Variants in UBE2T observed in about 807,000 individuals in gnomAD.
The protein encoded by UBE2T is ubiquitin-conjugating enzyme E2 T.
A neutral mutation model predicts 23.3 loss-of-function variants in UBE2T; 15 were observed. The observed-to-expected ratio is 0.64, with a 90% CI of 0.43 to 0.99. UBE2T has a LOEUF of 0.99. Among genes scored for constraint, UBE2T ranks in the 50% least tolerant of loss-of-function variants. The probability of loss-of-function intolerance (pLI) is 0.00; values close to 1 mark genes in which losing one functional copy is unlikely to be tolerated. For synonymous variants in UBE2T, 67 were observed against 78.4 expected (o/e 0.85, Z 0.77); for missense variants, 197 against 234.9 (o/e 0.84, Z 1.05).
chr1:202,335,663 A>C lies in UBE2T; in HGVS notation c.92T>G (p.Met31Arg), dbSNP rs1197477542. 6.2e-7 allele frequency: 1 copy of C among 1,614,060 alleles called. No homozygotes were observed. The highest frequency in any genetic ancestry group is 1.7e-5 in the Admixed American group (1 of 60,014). ...GITCWQDKDQMDDLRAQILGG... is the reference protein window; with the variant it reads ...GITCWQDKDQRDDLRAQILGG... ...ATACCTACGAGCTCGCAGGTCATCC[A>C]TTTGGTCTTTATCTTGCCAACATGT... The change falls in exon 2 of 7, where the codon ATG (methionine) becomes AGG (arginine). Residue 31 changes from methionine to arginine, a missense_variant. Coordinates refer to ENST00000646651, the MANE Select transcript of UBE2T (RefSeq NM_014176.4). The surrounding 1 kb of genome is among the most constrained non-coding windows in gnomAD (Gnocchi z 4.0).
At chr1:202,334,643 A>C (rs1654842567) in intron 3 of UBE2T, among the ~76,000 whole-genome samples, 1 of 152,200 alleles carries the variant, frequency 6.6e-6, no homozygotes, top group African/African-American at 2.4e-5. Flanking sequence ...ATGAAGTTTC[A>C]GTGTAGGAGG....
In UBE2T at chr1:202,331,704, T is replaced by A. The variant is rs1381646468; in HGVS notation, c.*131A>T. 3 of 1,129,282 alleles carry A rather than the reference T, an allele frequency of 2.7e-6. No individual in the cohort carries two copies. In the African/African-American group the frequency reaches 4.7e-5, roughly 18 times the overall value. 70.0% of individuals were successfully genotyped at this position (1,129,282 alleles called of 1,614,324 possible). A position where few individuals can be genotyped will look rare whatever the true frequency, so the allele number is the denominator to read the frequency against. ...TTTTCAGGTTTAAAAGATTTCAAAA[T>A]ACATATGTACAAGATAAATAAACTA... On this transcript the variant is annotated 3_prime_UTR_variant, in exon 7 of 7. Coordinates refer to ENST00000646651, the MANE Select transcript of UBE2T (RefSeq NM_014176.4).
At chr1:202,334,537 A>G (rs996284160) in intron 3 of UBE2T, among the ~76,000 whole-genome samples, 2 of 152,184 alleles carry the variant, frequency 1.3e-5, no homozygotes, top group Non-Finnish European at 2.9e-5. Context: ...TAAATGTTAA[A>G]AGAAAAAGCC....
chr1:202,337,676 T>G (rs1274783271), intron 1 of UBE2T, among the ~76,000 whole-genome samples: 1 of 152,236 alleles, frequency 6.6e-6, no homozygotes. Flanking sequence ...GGATTATTTC[T>G]GAGACAATAC....
chr1:202,332,646 C>T (rs964425359), intron 6 of UBE2T, among the ~76,000 whole-genome samples: 3 of 152,072 alleles, frequency 2.0e-5, no homozygotes, highest in Admixed American at 2.0e-4. Context: ...CGGTGGCTCA[C>T]GCCTGTAATC....
At position 202,335,669 on chromosome 1, in the gene UBE2T, TC is replaced by T; in HGVS notation, c.85del (p.Asp29ThrfsTer11). The T allele has an allele frequency of 6.2e-7, 1 of 1,614,060 alleles. No individual in the cohort carries two copies. The highest frequency in any genetic ancestry group is 8.5e-7 in the Non-Finnish European group (1 of 1,180,020). ...PPGITCWQDK[D>X]QMDDLRAQIL... ...ACGAGCTCGCAGGTCATCCATTTGG[TC>T]TTTATCTTGCCAACATGTGATGCCT... On this transcript the variant is annotated frameshift_variant, in exon 2 of 7. Coordinates refer to ENST00000646651, the MANE Select transcript of UBE2T (RefSeq NM_014176.4). LOFTEE classifies it high-confidence loss of function. The surrounding 1 kb of genome is among the most constrained non-coding windows in gnomAD (Gnocchi z 4.0).
intron 3 of UBE2T, 38 bp from the exon 4 acceptor site, chr1:202,333,593 T>G (rs1293994312): frequency 1.3e-6 from 2 of 1,569,796 alleles, no homozygotes; most frequent in Non-Finnish European, 1.7e-6. Context: ...TTTCATTACA[T>G]AATTTTGCTT....
intron 1 of UBE2T, among the ~76,000 whole-genome samples, chr1:202,339,629 C>T (rs983296402): frequency 3.5e-5 from 5 of 144,734 alleles, no homozygotes; most frequent in Admixed American, 1.4e-4. Flanking sequence ...AAAACATCTT[C>T]GTCCAAACAC....
intron 1 of UBE2T, among the ~76,000 whole-genome samples, chr1:202,336,154 C>T (rs953658991): frequency 5.3e-5 from 8 of 150,800 alleles, no homozygotes; most frequent in Non-Finnish European, 8.8e-5. Flanking sequence ...TCAGGTGATC[C>T]GCCTGCCTTG....
At chr1:202,332,926 A>C (rs900630896) in intron 6 of UBE2T, 84 bp downstream of exon 6, 7 of 441,124 alleles carry the variant, frequency 1.6e-5, no homozygotes, top group African/African-American at 2.2e-5. Context: ...AAAAAAAAAA[A>C]AAAAAAAAAA....
chr1:202,339,014 T>G (rs1460315473), intron 1 of UBE2T, among the ~76,000 whole-genome samples: 1 of 151,992 alleles, frequency 6.6e-6, no homozygotes, highest in East Asian at 1.9e-4. Context: ...CCTTTCTAAT[T>G]TTGTCTTTAT....
At chr1:202,334,882 G>A (rs903150098) in intron 3 of UBE2T, 107 bp downstream of exon 3, 18 of 1,024,512 alleles carry the variant, frequency 1.8e-5, no homozygotes, top group Admixed American at 2.7e-5. Context: ...GTCATGATAA[G>A]GCCAGGATTA....
At chr1:202,340,469 G>A (rs988855465) in intron 1 of UBE2T, among the ~76,000 whole-genome samples, 4 of 151,096 alleles carry the variant, frequency 2.6e-5, no homozygotes, top group South Asian at 2.1e-4. Context: ...AGCCAAGATC[G>A]CGCCACTGCA....
intron 1 of UBE2T, among the ~76,000 whole-genome samples, chr1:202,336,210 C>G (rs919388752): frequency 5.8e-5 from 2 of 34,332 alleles, no homozygotes; most frequent in African/African-American, 1.1e-4. Context: ...ATGCACCCAG[C>G]TTTTTTTTTT....
In UBE2T at chr1:202,333,210, G is replaced by A. The variant is rs577748310; in HGVS notation, c.384+27C>T. ...GCGGTATAGACAAGGTAGGATATGT[G>A]TTGCAGAGGAAAATGGGGATATTTA... On this transcript the variant is annotated intron_variant, in intron 5 of 6. Coordinates refer to ENST00000646651, the MANE Select transcript of UBE2T (RefSeq NM_014176.4). The A allele has an allele frequency of 2.1e-5, 34 of 1,613,222 alleles. 1 individual carries two copies. In the South Asian group the frequency reaches 2.9e-4, roughly 14 times the overall value.
chr1:202,336,980 G>A (rs1356617040), intron 1 of UBE2T, among the ~76,000 whole-genome samples: 1 of 152,176 alleles, frequency 6.6e-6, no homozygotes, highest in Non-Finnish European at 1.5e-5. Context: ...GTCTCGGTCT[G>A]TTGCCCAGGC....
chr1:202,333,742 C>G (rs1452097625), intron 3 of UBE2T, among the ~76,000 whole-genome samples, 187 bp from the exon 4 acceptor site: 1 of 152,152 alleles, frequency 6.6e-6, no homozygotes, highest in African/African-American at 2.4e-5. Flanking sequence ...TTTGAAATAA[C>G]AGTATTGAAA....
chr1:202,340,044 T>C (rs1367326848), intron 1 of UBE2T, among the ~76,000 whole-genome samples: 1 of 151,556 alleles, frequency 6.6e-6, no homozygotes, highest in Non-Finnish European at 1.5e-5. Flanking sequence ...ATCCCCTCTC[T>C]ACTAAAAATA....
At position 202,334,975 on chromosome 1, in the gene UBE2T, T is replaced by C; in HGVS notation, c.179+14A>G. On this transcript the variant is annotated intron_variant, in intron 3 of 6. Coordinates refer to ENST00000646651, the MANE Select transcript of UBE2T (RefSeq NM_014176.4). ...CACTTCACCATGTAGGTTGAGAAGC[T>C]GATTCATACTAACCTCTCAGGAATG... 1 of 1,610,026 alleles carries C rather than the reference T, an allele frequency of 6.2e-7. No individual in the cohort carries two copies.
Sources: gnomAD v4.1 joint callset for allele counts (sites outside exome capture counted in the v4.1 genomes callset) on GRCh38, gnomAD v4.1.1 for gene constraint, Gnocchi (gnomAD v3.1) non-coding constraint, MANE v1.5 for transcripts, NCBI Gene and HGNC (gene_info 2026-07-23, HGNC 2026-07-21) for gene names.